Variants in OTOA observed in about 807,000 individuals in gnomAD.
OTOA encodes otoancorin.
A neutral mutation model predicts 110.8 loss-of-function variants in OTOA; 70 were observed. The ratio of observed to expected loss-of-function variants is 0.63; its 90% confidence interval spans 0.52 to 0.77. OTOA has a LOEUF of 0.77. OTOA is among the 30% of genes least tolerant of loss of function. The pLI, the probability that OTOA is intolerant of heterozygous loss-of-function variation, is 0.00. For synonymous variants in OTOA, 373 were observed against 431.5 expected (o/e 0.86, Z 1.68); for missense variants, 917 against 1,075.8 (o/e 0.85, Z 2.06).
chr16:21,711,610 A>G (rs1898356626), intron 13 of OTOA, among the ~76,000 whole-genome samples: 1 of 152,140 alleles, frequency 6.6e-6, no homozygotes, highest in Admixed American at 6.6e-5. Context: ...CTGGGATTAT[A>G]GGCACCCACC....
intron 13 of OTOA, among the ~76,000 whole-genome samples, chr16:21,714,758 G>A (rs990400806): frequency 4.6e-5 from 7 of 151,996 alleles, no homozygotes; most frequent in Admixed American, 6.6e-5. Context: ...TGATCCACCC[G>A]CCTGGCCTCT....
intron 7 of OTOA, among the ~76,000 whole-genome samples, chr16:21,686,932 T>G (rs1897726921): frequency 6.6e-6 from 1 of 152,124 alleles, no homozygotes; most frequent in Admixed American, 6.5e-5. Flanking sequence ...CCCAGGTGAT[T>G]CTGATGTGCA....
chr16:21,722,408 A>G (rs1006273350), intron 17 of OTOA, among the ~76,000 whole-genome samples: 2 of 68,968 alleles, frequency 2.9e-5, no homozygotes, highest in African/African-American at 4.2e-5. Flanking sequence ...ATATATAACT[A>G]TATGTATAGT....
chr16:21,715,265 G>A lies in OTOA; in HGVS notation c.1488+113G>A, dbSNP rs1898518038. 7 of 1,432,550 alleles carry A rather than the reference G, an allele frequency of 4.9e-6. No homozygotes were observed. In the South Asian group the frequency reaches 6.9e-5, roughly 14 times the overall value. The allele number at this position is 1,432,550 out of a possible 1,614,324, so 88.7% of individuals were successfully genotyped here. A position where few individuals can be genotyped will look rare whatever the true frequency, so the allele number is the denominator to read the frequency against. On this transcript the variant is annotated intron_variant, in intron 14 of 28. Transcript: ENST00000646100. ...ACCCAGGGCTGGGATTGTCTCAGCT[G>A]TTGGTGTCTGGGGTGGCTCTGCCTT...
intron 10 of OTOA, among the ~76,000 whole-genome samples, chr16:21,698,228 TC>T (rs1431303771): frequency 6.6e-6 from 1 of 152,178 alleles, no homozygotes; most frequent in East Asian, 1.9e-4. Flanking sequence ...ATATAAAGTT[TC>T]CCATCCTTGG....
chr16:21,743,797 C>CT (rs1274125790), intron 23 of OTOA, among the ~76,000 whole-genome samples: 4 of 115,746 alleles, frequency 3.5e-5, no homozygotes, highest in Admixed American at 9.4e-5. Flanking sequence ...TTTTGTCTAT[C>CT]TTTTTTTTAA....
chr16:21,703,713 T>A (rs971479321), intron 11 of OTOA, among the ~76,000 whole-genome samples: 1 of 152,176 alleles, frequency 6.6e-6, no homozygotes, highest in Non-Finnish European at 1.5e-5. Context: ...TGTGGGCATG[T>A]CTGAATATGT....
intron 7 of OTOA, among the ~76,000 whole-genome samples, chr16:21,687,181 T>G (rs140239527): frequency 1.3e-5 from 2 of 152,168 alleles, no homozygotes; most frequent in Non-Finnish European, 1.5e-5. Context: ...AAGGGCCTGA[T>G]GTATGCTGGT....
intron 9 of OTOA, among the ~76,000 whole-genome samples, chr16:21,695,892 T>TATATATATA (rs377002847): frequency 2.3e-3 from 49 of 21,030 alleles, no homozygotes; most frequent in African/African-American, 7.7e-3. Context: ...TATATATATA[T>TATATATATA]TTTTTTTTTT....
chr16:21,735,048 C>G (rs1899243375), intron 21 of OTOA, among the ~76,000 whole-genome samples: 1 of 148,056 alleles, frequency 6.8e-6, no homozygotes, highest in South Asian at 2.1e-4. Flanking sequence ...GGCTCAGGCA[C>G]GAGAATTACT....
chr16:21,714,352 TC>T (rs1898465354), intron 13 of OTOA, among the ~76,000 whole-genome samples: 86 of 108,464 alleles, frequency 7.9e-4, no homozygotes, highest in African/African-American at 2.2e-3. Flanking sequence ...TTTCTTTCTT[TC>T]CTTCTCTCTT....
intron 9 of OTOA, among the ~76,000 whole-genome samples, chr16:21,696,990 A>G (rs2141671750): frequency 6.8e-6 from 1 of 147,616 alleles, no homozygotes; most frequent in African/African-American, 2.5e-5. Flanking sequence ...CCTGGTTTCA[A>G]GCAATCCTCC....
chr16:21,702,282 G>T (rs1286048183), intron 11 of OTOA, among the ~76,000 whole-genome samples: 12 of 152,038 alleles, frequency 7.9e-5, no homozygotes, highest in Admixed American at 7.9e-4. Context: ...GTCTCTCAAG[G>T]TCTTATTATT....
At chr16:21,695,089 T>C (rs1362543405) in intron 9 of OTOA, among the ~76,000 whole-genome samples, 1 of 152,182 alleles carries the variant, frequency 6.6e-6, no homozygotes, top group Non-Finnish European at 1.5e-5. Context: ...TGGAAATACT[T>C]TGGCTGTTAA....
At chr16:21,727,943 C>T (rs561641877) in intron 19 of OTOA, among the ~76,000 whole-genome samples, 4 of 151,298 alleles carry the variant, frequency 2.6e-5, no homozygotes, top group Middle Eastern at 6.9e-3. Flanking sequence ...AGGCTCACTG[C>T]GACCTCTGCC....
At chr16:21,697,687 C>A in intron 9 of OTOA, 88 bp from the exon 10 acceptor site, 1 of 1,210,284 alleles carries the variant, frequency 8.3e-7, no homozygotes. Context: ...TAGGTCTTGA[C>A]AGCAAAGATG....
Position 21,698,936 on chromosome 16 carries a change from G to C in OTOA, c.840+1061G>C, listed in dbSNP as rs149034146. ...GAAGTCAAGAATAACACTGCTAAAAGGGAATTTTATTTTATTTTATTTGTT... is the reference window on the plus strand; with the variant it reads ...GAAGTCAAGAATAACACTGCTAAAACGGAATTTTATTTTATTTTATTTGTT... On this transcript the variant is annotated intron_variant, in intron 10 of 28. Transcript: ENST00000646100. 2.2e-3 allele frequency among the ~76,000 whole-genome samples: 336 copies of C among 152,040 alleles called. 1 individual carries two copies. Among genetic ancestry groups the C allele is most frequent in the African/African-American group, 7.2e-3 (298 of 41,528 alleles).
intron 10 of OTOA, 128 bp from the exon 11 acceptor site, chr16:21,700,760 A>C (rs962626093): frequency 1.1e-4 from 123 of 1,122,278 alleles, no homozygotes; most frequent in Non-Finnish European, 1.5e-4. Context: ...AAAGACATCA[A>C]TGACAATGAG....
intron 13 of OTOA, among the ~76,000 whole-genome samples, chr16:21,714,504 CTT>C (rs1898488589): frequency 1.5e-5 from 2 of 137,906 alleles, no homozygotes; most frequent in East Asian, 2.2e-4. Context: ...CTCTCTCTTT[CTT>C]TCTTTCTTTC....
Sources: allele counts gnomAD v4.1 joint callset (sites outside exome capture counted in the v4.1 genomes callset), GRCh38; gene constraint gnomAD v4.1.1; transcripts MANE v1.5; gene names NCBI Gene and HGNC (gene_info 2026-07-23, HGNC 2026-07-21).